KAZN: variants seen among roughly 807,000 people sequenced by gnomAD.
The protein encoded by KAZN is kazrin.
Under a neutral mutation model 87.4 loss-of-function variants are expected in KAZN, and 40 were observed. The observed-to-expected ratio is 0.46, with a 90% CI of 0.36 to 0.60. The LOEUF (loss-of-function observed/expected upper bound fraction) is 0.60. Among genes scored for constraint, KAZN ranks in the 20% least tolerant of loss-of-function variants. The pLI is 0.00. For synonymous variants in KAZN, 466 were observed against 458.3 expected (o/e 1.02, Z -0.22); for missense variants, 898 against 1,073.9 (o/e 0.84, Z 2.29).
intron 8 of KAZN, among the ~76,000 whole-genome samples, chr1:15,088,427 A>G (rs1640369749): frequency 6.6e-6 from 1 of 152,084 alleles, no homozygotes; most frequent in South Asian, 2.1e-4. Context: ...AAGGATGCAC[A>G]GCCTCTCGTT....
At chr1:14,663,444 C>T (rs985350020) in intron 1 of KAZN, among the ~76,000 whole-genome samples, 4 of 152,150 alleles carry the variant, frequency 2.6e-5, no homozygotes, top group Non-Finnish European at 5.9e-5. Context: ...TTCTCGATTG[C>T]CAGCTATCCC....
At chr1:14,725,378 A>G (rs983868831) in intron 1 of KAZN, among the ~76,000 whole-genome samples, 1 of 151,894 alleles carries the variant, frequency 6.6e-6, no homozygotes, top group African/African-American at 2.4e-5. Flanking sequence ...CACTGTTGTC[A>G]TCTGACATTT....
intron 1 of KAZN, among the ~76,000 whole-genome samples, chr1:14,781,042 G>A (rs1645320206): frequency 6.6e-6 from 1 of 152,142 alleles, no homozygotes; most frequent in African/African-American, 2.4e-5. Flanking sequence ...AAGAAACTTG[G>A]CCGGGCGCGG....
chr1:14,358,105 T>C (rs1659192309), intron 2 of KAZN, among the ~76,000 whole-genome samples: 1 of 152,218 alleles, frequency 6.6e-6, no homozygotes, highest in South Asian at 2.1e-4. Flanking sequence ...GTGCTTGTTA[T>C]TGGTCTATTC....
chr1:14,822,919 C>T (rs1170352591), intron 1 of KAZN, among the ~76,000 whole-genome samples: 2 of 152,220 alleles, frequency 1.3e-5, no homozygotes, highest in Admixed American at 6.5e-5. Context: ...TGGCCCGTGC[C>T]GCTTTGGCCA....
At chr1:15,090,515 C>G (rs988816212) in intron 8 of KAZN, among the ~76,000 whole-genome samples, 1 of 152,244 alleles carries the variant, frequency 6.6e-6, no homozygotes, top group Non-Finnish European at 1.5e-5. Context: ...GCCTGCACCC[C>G]GGCCTGACAG....
intron 1 of KAZN, among the ~76,000 whole-genome samples, chr1:13,900,340 C>A (rs576052192): frequency 6.6e-6 from 1 of 152,292 alleles, no homozygotes; most frequent in Admixed American, 6.5e-5. Context: ...CCTCCCTGCC[C>A]AATCCCTCAC....
rs1406322670 is a variant in KAZN at position 14,856,702 on chromosome 1, A to ATG, written c.227-103978_227-103977dup. Among the ~76,000 whole-genome samples the ATG allele has an allele frequency of 6.6e-6, 1 of 152,160 alleles. No homozygotes were observed. The highest frequency in any genetic ancestry group is 1.5e-5 in the Non-Finnish European group (1 of 68,026). ...TGCGAAGGAGGAACTTCTACTTTTC[A>ATG]TGTGTTTCCTAAATCTTGGATTATT... On this transcript the variant is annotated intron_variant, in intron 1 of 14. Coordinates refer to ENST00000376030, the MANE Select transcript of KAZN (RefSeq NM_201628.3). The surrounding 1 kb of genome is among the most constrained non-coding windows in gnomAD (Gnocchi z 5.2).
At chr1:15,076,665 C>T (rs2100612486) in intron 8 of KAZN, among the ~76,000 whole-genome samples, 1 of 152,324 alleles carries the variant, frequency 6.6e-6, no homozygotes, top group Middle Eastern at 3.4e-3. Context: ...TTCTGAGCTC[C>T]ACTTTTCTCA....
chr1:14,464,927 G>A (rs1156649831), intron 2 of KAZN, among the ~76,000 whole-genome samples: 2 of 149,600 alleles, frequency 1.3e-5, no homozygotes, highest in Non-Finnish European at 2.9e-5. Flanking sequence ...CATAACAGCT[G>A]TGTACCCAAT....
At chr1:14,065,984 T>G (rs762153064) in intron 1 of KAZN, among the ~76,000 whole-genome samples, 1 of 152,212 alleles carries the variant, frequency 6.6e-6, no homozygotes, top group African/African-American at 2.4e-5. Flanking sequence ...ATCCCTTATC[T>G]TCCTCCTGGC....
chr1:14,943,273 A>T (rs1419533462), intron 1 of KAZN, among the ~76,000 whole-genome samples: 1 of 151,478 alleles, frequency 6.6e-6, no homozygotes, highest in Non-Finnish European at 1.5e-5. Context: ...CAGTCCAGAA[A>T]CCAGAGAAAG....
At chr1:13,999,312 C>T (rs61777678) in intron 1 of KAZN, among the ~76,000 whole-genome samples, 20,706 of 151,816 alleles carry the variant, frequency 0.14, 1,537 homozygotes, top group Middle Eastern at 0.22. Context: ...CACGCCATTG[C>T]GCTCCAGCCT....
intron 1 of KAZN, among the ~76,000 whole-genome samples, chr1:14,626,019 C>T (rs546748623): frequency 6.6e-6 from 1 of 152,202 alleles, no homozygotes; most frequent in South Asian, 2.1e-4. Flanking sequence ...AAGCTCTTCT[C>T]CCCTGAGCAT....
At chr1:14,131,408 G>A (rs966691345) in intron 1 of KAZN, among the ~76,000 whole-genome samples, 9 of 152,130 alleles carry the variant, frequency 5.9e-5, no homozygotes, top group Non-Finnish European at 1.3e-4. Flanking sequence ...TAGTCAATCC[G>A]ATACGTTAGA....
At chr1:14,719,952 G>A (rs1290570113) in intron 1 of KAZN, among the ~76,000 whole-genome samples, 1 of 144,112 alleles carries the variant, frequency 6.9e-6, no homozygotes, top group Non-Finnish European at 1.6e-5. Context: ...AACAACAGGG[G>A]AATTAGAGGA....
At chr1:14,479,206 G>A (rs906659985) in intron 2 of KAZN, among the ~76,000 whole-genome samples, 24 of 152,182 alleles carry the variant, frequency 1.6e-4, no homozygotes, top group Admixed American at 1.0e-3. Flanking sequence ...GGACAGAAAG[G>A]GACACACAGT....
chr1:14,582,647 T>C (rs1226135056), intron 2 of KAZN, among the ~76,000 whole-genome samples: 1 of 152,148 alleles, frequency 6.6e-6, no homozygotes, highest in Non-Finnish European at 1.5e-5. Context: ...GCAATTCTGC[T>C]CAGCAGGAAG....
chr1:14,747,560 G>T (rs913772243), intron 1 of KAZN, among the ~76,000 whole-genome samples: 1 of 152,186 alleles, frequency 6.6e-6, no homozygotes, highest in Non-Finnish European at 1.5e-5. Context: ...GATTATAGGC[G>T]CAAGCCACTG....
Sources: gnomAD v4.1 joint callset for allele counts (sites outside exome capture counted in the v4.1 genomes callset) on GRCh38, gnomAD v4.1.1 for gene constraint, Gnocchi (gnomAD v3.1) non-coding constraint, MANE v1.5 for transcripts, NCBI Gene and HGNC (gene_info 2026-07-23, HGNC 2026-07-21) for gene names.